Variants in TCEA1 observed in about 807,000 individuals in gnomAD.
The protein encoded by TCEA1 is transcription elongation factor A protein 1.
A neutral mutation model predicts 43.8 loss-of-function variants in TCEA1; 21 were observed. The observed-to-expected ratio is 0.48, with a 90% CI of 0.34 to 0.69. The LOEUF (loss-of-function observed/expected upper bound fraction) is 0.69, where lower values mean the gene tolerates loss of function less well. Ranked by LOEUF, TCEA1 falls within the 30% of genes least tolerant of loss-of-function variation. The pLI is 0.01. For synonymous variants in TCEA1, 104 were observed against 117.5 expected (o/e 0.88, Z 0.75); for missense variants, 250 against 365.1 (o/e 0.68, Z 2.57).
At chr8:54,018,894 G>A (rs1019297821) in intron 1 of TCEA1, among the ~76,000 whole-genome samples, 3 of 152,202 alleles carry the variant, frequency 2.0e-5, no homozygotes, top group Non-Finnish European at 2.9e-5. Context: ...CTTCTAGAGA[G>A]ACACTGTAGC....
chr8:53,991,634 C>T (rs528581616), intron 4 of TCEA1, among the ~76,000 whole-genome samples: 1 of 151,718 alleles, frequency 6.6e-6, no homozygotes, highest in South Asian at 2.1e-4. Flanking sequence ...GCAGAGGTTG[C>T]GGTGAGCTGA....
At chr8:54,013,680 CAAAAAAA>C (rs5891511) in intron 1 of TCEA1, among the ~76,000 whole-genome samples, 1 of 65,298 alleles carries the variant, frequency 1.5e-5, no homozygotes, top group African/African-American at 5.4e-5. Context: ...AACTCCATCT[CAAAAAAA>C]AAAAAAAAAA....
chr8:54,004,273 C>T (rs1295216820), intron 2 of TCEA1, among the ~76,000 whole-genome samples: 1 of 152,070 alleles, frequency 6.6e-6, no homozygotes, highest in Non-Finnish European at 1.5e-5. Context: ...ACCAGCAATA[C>T]CATTCCCAGG....
intron 3 of TCEA1, among the ~76,000 whole-genome samples, chr8:53,999,101 A>G (rs945051432): frequency 2.6e-5 from 4 of 151,512 alleles, no homozygotes; most frequent in South Asian, 2.1e-4. Flanking sequence ...GGTGGCGGCC[A>G]CCTGTAGTCC....
chr8:53,993,756 C>T lies in TCEA1; in HGVS notation c.233-1G>A. 1 of 1,609,634 alleles carries T rather than the reference C, an allele frequency of 6.2e-7. No homozygotes were observed. Among genetic ancestry groups the T allele is most frequent in the Admixed American group, 1.7e-5 (1 of 58,892 alleles). ...AGGTCTTTCTCAGTTGATGGCCCAT[C>T]TGAAAATTATGAAATCTCTTAAGTT... On this transcript the variant is annotated splice_acceptor_variant, in intron 3 of 9. Coordinates refer to ENST00000521604, the MANE Select transcript of TCEA1 (RefSeq NM_006756.4). LOFTEE classifies it high-confidence loss of function.
At chr8:53,973,223 C>G (rs1017731566) in intron 8 of TCEA1, 3 of 464,492 alleles carry the variant, frequency 6.5e-6, no homozygotes, top group Non-Finnish European at 8.0e-6. Flanking sequence ...GCAGGTTATT[C>G]AAGAAAAAGA....
chr8:53,984,309 A>C, intron 7 of TCEA1, 54 bp downstream of exon 7: 1 of 1,500,642 alleles, frequency 6.7e-7, no homozygotes, highest in African/African-American at 1.4e-5. Flanking sequence ...AATAGGCTTT[A>C]CACTTCACAA....
At position 53,967,413 on chromosome 8, in the gene TCEA1, T is replaced by G. The variant is rs930309937; in HGVS notation, c.*691A>C. 7 of 199,956 alleles carry G rather than the reference T, an allele frequency of 3.5e-5. No homozygotes were observed. The highest frequency in any genetic ancestry group is 6.2e-5 in the Non-Finnish European group (6 of 97,092). The allele number at this position is 199,956 out of a possible 1,614,324, so 12.4% of individuals were successfully genotyped here. Reference sequence around the variant, plus strand: ...ACATTATAAAGTCAAACAGGTAAATTAACAGGAAAACCAAACTGATCTCAA... The same window carrying G: ...ACATTATAAAGTCAAACAGGTAAATGAACAGGAAAACCAAACTGATCTCAA... On this transcript the variant is annotated 3_prime_UTR_variant, in exon 10 of 10. Transcript: ENST00000521604.
chr8:53,982,705 G>A (rs1470104535), intron 7 of TCEA1, among the ~76,000 whole-genome samples: 2 of 151,636 alleles, frequency 1.3e-5, no homozygotes, highest in Non-Finnish European at 2.9e-5. Flanking sequence ...TTCAAGATGT[G>A]ACTGAGTTGC....
intron 2 of TCEA1, 144 bp from the exon 3 acceptor site, chr8:54,000,194 T>C: frequency 1.8e-6 from 1 of 570,492 alleles, no homozygotes; most frequent in Middle Eastern, 4.6e-4. Flanking sequence ...TAATAGCAAA[T>C]TATATTAAGA....
chr8:54,006,761 A>G (rs568581968), intron 2 of TCEA1, among the ~76,000 whole-genome samples: 33 of 152,316 alleles, frequency 2.2e-4, no homozygotes, highest in African/African-American at 7.9e-4. Flanking sequence ...TTAGACAGAA[A>G]CCTGAACTCA....
chr8:54,017,224 G>T (rs1804860238), intron 1 of TCEA1, among the ~76,000 whole-genome samples: 1 of 152,098 alleles, frequency 6.6e-6, no homozygotes, highest in African/African-American at 2.4e-5. Context: ...AAATTATACA[G>T]TAGTAATAGT....
chr8:54,003,313 A>G (rs1804330337), intron 2 of TCEA1, among the ~76,000 whole-genome samples: 1 of 152,216 alleles, frequency 6.6e-6, no homozygotes, highest in Non-Finnish European at 1.5e-5. Context: ...TACTGACTCA[A>G]TGCAATGCCT....
chr8:53,970,267 C>A (rs528727073), intron 9 of TCEA1, 125 bp downstream of exon 9: 3 of 760,728 alleles, frequency 3.9e-6, no homozygotes, highest in South Asian at 2.9e-5. Flanking sequence ...TCAGGGAGTA[C>A]AAGAGTACTG....
intron 4 of TCEA1, among the ~76,000 whole-genome samples, chr8:53,992,282 A>G (rs1170334221): frequency 6.6e-6 from 1 of 152,060 alleles, no homozygotes. Context: ...ACTGCCTTCC[A>G]GCCTGGGTGA....
chr8:53,974,538 TGG>T (rs1207130623), intron 8 of TCEA1, among the ~76,000 whole-genome samples: 1 of 6,336 alleles, frequency 1.6e-4, no homozygotes, highest in East Asian at 4.3e-3. Flanking sequence ...GGGGTGGGGG[TGG>T]GGGGGGGACG....
intron 6 of TCEA1, among the ~76,000 whole-genome samples, chr8:53,985,649 A>G (rs1473730482): frequency 3.3e-5 from 5 of 151,984 alleles, no homozygotes; most frequent in Non-Finnish European, 7.4e-5. Flanking sequence ...TCCCTTCCTA[A>G]TAAGGCCATT....
intron 1 of TCEA1, among the ~76,000 whole-genome samples, chr8:54,020,560 G>A (rs1007311273): frequency 6.6e-6 from 1 of 152,180 alleles, no homozygotes; most frequent in African/African-American, 2.4e-5. Flanking sequence ...GCTGTCATGT[G>A]GAAAGCATGC....
intron 4 of TCEA1, among the ~76,000 whole-genome samples, chr8:53,989,503 C>T (rs962513752): frequency 1.1e-4 from 16 of 152,314 alleles, no homozygotes; most frequent in South Asian, 4.1e-4. Context: ...GTGGGTCAGA[C>T]GGACATTAGT....
Sources: gnomAD v4.1 joint callset for allele counts (sites outside exome capture counted in the v4.1 genomes callset) on GRCh38, gnomAD v4.1.1 for gene constraint, MANE v1.5 for transcripts, NCBI Gene and HGNC (gene_info 2026-07-23, HGNC 2026-07-21) for gene names.